The following AFF3 variants were observed in gnomAD, a reference collection of about 807,000 sequenced individuals.
The protein encoded by AFF3 is AF4/FMR2 family member 3.
A neutral mutation model predicts 129.7 loss-of-function variants in AFF3; 32 were observed. That is an observed-to-expected ratio of 0.25 (90% CI 0.19 to 0.33). The LOEUF is 0.33. AFF3 is among the 10% of genes least tolerant of loss of function. AFF3 has a pLI of 1.00. For missense variants in AFF3, 1,373 were observed against 1,592.0 expected, an observed-to-expected ratio of 0.86 and a Z score of 2.34; for synonymous variants, 644 against 635.4, an observed-to-expected ratio of 1.01 and a Z score of -0.20.
intron 7 of AFF3, among the ~76,000 whole-genome samples, chr2:99,851,140 A>C (rs1360486323): frequency 6.6e-6 from 1 of 152,234 alleles, no homozygotes; most frequent in Non-Finnish European, 1.5e-5. Flanking sequence ...ATTGAGGAAA[A>C]TACTACATTT....
At chr2:99,651,544 C>T (rs1204928104) in intron 12 of AFF3, among the ~76,000 whole-genome samples, 5 of 151,948 alleles carry the variant, frequency 3.3e-5, no homozygotes, top group African/African-American at 4.8e-5. Context: ...CAGGTTCAAG[C>T]GATTCTCCTG....
chr2:99,631,982 C>T (rs1379993119), intron 13 of AFF3, among the ~76,000 whole-genome samples: 2 of 147,544 alleles, frequency 1.4e-5, no homozygotes, highest in Non-Finnish European at 3.0e-5. Flanking sequence ...GCATAAGGTT[C>T]CAATTTATCC....
intron 13 of AFF3, among the ~76,000 whole-genome samples, chr2:99,610,262 T>A (rs948823681): frequency 1.3e-5 from 2 of 152,196 alleles, no homozygotes; most frequent in African/African-American, 4.8e-5. Flanking sequence ...GACACCCTTT[T>A]AGGAGCATTC....
At chr2:99,553,917 C>CA (rs1674649199) in intron 24 of AFF3, among the ~76,000 whole-genome samples, 173 of 72,454 alleles carry the variant, frequency 2.4e-3, no homozygotes, top group African/African-American at 8.4e-3. Context: ...CTGTCTCAAA[C>CA]CAAAAAAAAA....
intron 7 of AFF3, among the ~76,000 whole-genome samples, chr2:99,885,308 A>C (rs1327841127): frequency 6.6e-6 from 1 of 151,788 alleles, no homozygotes; most frequent in Non-Finnish European, 1.5e-5. Flanking sequence ...CCCCCTCAAA[A>C]CCCAATGACC....
intron 22 of AFF3, 111 bp downstream of exon 22, chr2:99,558,764 A>G: frequency 9.9e-7 from 1 of 1,009,496 alleles, no homozygotes; most frequent in East Asian, 2.6e-5. Flanking sequence ...CTTGGGGACC[A>G]GAGGTGACCT....
chr2:99,993,605 T>C (rs1680555894), intron 7 of AFF3, among the ~76,000 whole-genome samples: 1 of 151,298 alleles, frequency 6.6e-6, no homozygotes, highest in Admixed American at 6.6e-5. Flanking sequence ...GGAAACAAAA[T>C]GGACACTTCA....
At chr2:100,014,848 A>G (rs1682865404) in intron 4 of AFF3, among the ~76,000 whole-genome samples, 1 of 135,006 alleles carries the variant, frequency 7.4e-6, no homozygotes. Flanking sequence ...CAGCAGGGTG[A>G]TCTCAGCTCA....
intron 8 of AFF3, among the ~76,000 whole-genome samples, chr2:99,796,962 AC>A: frequency 6.6e-6 from 1 of 152,220 alleles, no homozygotes; most frequent in Middle Eastern, 3.4e-3. Context: ...TGGAGACAAA[AC>A]CCAAAACAAT....
intron 8 of AFF3, among the ~76,000 whole-genome samples, chr2:99,784,837 A>G (rs1274830293): frequency 2.6e-5 from 4 of 152,166 alleles, no homozygotes; most frequent in Non-Finnish European, 4.4e-5. Context: ...CTATAGGCTG[A>G]TCTTGAGGTG....
At chr2:99,554,849 G>A in intron 22 of AFF3, 117 bp from the exon 23 acceptor site, 1 of 1,163,818 alleles carries the variant, frequency 8.6e-7, no homozygotes, top group Non-Finnish European at 1.2e-6. Context: ...GCAGGAAAAA[G>A]GCACCTTCAG....
chr2:100,104,030 G>C (rs1011425362), intron 4 of AFF3, among the ~76,000 whole-genome samples: 2 of 151,836 alleles, frequency 1.3e-5, no homozygotes, highest in African/African-American at 4.8e-5. Context: ...AGGGGGCGCA[G>C]TCGGAGGGAA....
intron 13 of AFF3, among the ~76,000 whole-genome samples, chr2:99,618,980 C>T (rs1342234053): frequency 6.6e-6 from 1 of 152,176 alleles, no homozygotes; most frequent in African/African-American, 2.4e-5. Context: ...CTCCTGGCCT[C>T]AAACAGTTCT....
chr2:99,805,365 GTAT>G (rs771560519), intron 8 of AFF3, among the ~76,000 whole-genome samples: 38 of 152,158 alleles, frequency 2.5e-4, no homozygotes, highest in Non-Finnish European at 3.8e-4. Flanking sequence ...TACATTGGTG[GTAT>G]TATGATAATA....
At chr2:99,551,909 C>T (rs899366399) in intron 24 of AFF3, among the ~76,000 whole-genome samples, 8 of 152,190 alleles carry the variant, frequency 5.3e-5, no homozygotes, top group African/African-American at 1.9e-4. Context: ...CACTCCTGAA[C>T]GTGAACGTGG....
At chr2:99,949,664 T>C (rs965540937) in intron 7 of AFF3, among the ~76,000 whole-genome samples, 6 of 152,032 alleles carry the variant, frequency 3.9e-5, no homozygotes, top group African/African-American at 1.4e-4. Flanking sequence ...CACAATAGGA[T>C]TCATGCTTCT....
chr2:99,602,888 C>A (rs1420601360), intron 13 of AFF3, among the ~76,000 whole-genome samples: 1 of 152,198 alleles, frequency 6.6e-6, no homozygotes, highest in Non-Finnish European at 1.5e-5. Flanking sequence ...CTCATTGGAG[C>A]TTTGTTTCTA....
At chr2:99,793,713 TCAAAGGAG>T (rs969544559) in intron 8 of AFF3, among the ~76,000 whole-genome samples, 4 of 152,332 alleles carry the variant, frequency 2.6e-5, no homozygotes, top group African/African-American at 7.2e-5. Flanking sequence ...ATTGATCTTT[TCAAAGGAG>T]CAGCTTTAGA....
At chr2:99,767,802 G>A (rs901461060) in intron 8 of AFF3, among the ~76,000 whole-genome samples, 1 of 152,188 alleles carries the variant, frequency 6.6e-6, no homozygotes, top group Non-Finnish European at 1.5e-5. Flanking sequence ...AAAATTAGCT[G>A]GGTGCGGTGG....
Sources: allele counts gnomAD v4.1 joint callset (sites outside exome capture counted in the v4.1 genomes callset), GRCh38; gene constraint gnomAD v4.1.1; transcripts MANE v1.5; gene names NCBI Gene and HGNC (gene_info 2026-07-23, HGNC 2026-07-21).